Variants in CAMTA1 observed in about 807,000 individuals in gnomAD.
CAMTA1 encodes calmodulin-binding transcription activator 1.
A neutral mutation model predicts 170.9 loss-of-function variants in CAMTA1; 27 were observed. The ratio of observed to expected loss-of-function variants is 0.16; its 90% CI spans 0.12 to 0.22. CAMTA1 has a LOEUF of 0.22. Ranked by LOEUF, CAMTA1 falls within the 10% of genes least tolerant of loss-of-function variation. CAMTA1 has a pLI of 1.00. For missense variants in CAMTA1, 1,619 were observed against 2,217.2 expected (o/e 0.73, Z 5.42); for synonymous variants, 833 against 891.5 (o/e 0.93, Z 1.17).
chr1:6,962,869 G>C (rs1429247212), intron 3 of CAMTA1, among the ~76,000 whole-genome samples: 2 of 113,644 alleles, frequency 1.8e-5, no homozygotes, highest in African/African-American at 7.1e-5. Context: ...GCCTTGCCCT[G>C]TGACTGGCCC....
Position 7,251,756 on chromosome 1 carries a change from G to C in CAMTA1, c.438+2130G>C, listed in dbSNP as rs1666675557. On this transcript the variant is annotated intron_variant, in intron 5 of 22. Transcript: ENST00000303635. This position sits in a 1 kb window ranked among gnomAD's most constrained non-coding sequence, Gnocchi z 5.1. ...GACGCAGAGCAGCCTGGGCTTTTAT[G>C]ATAAGCATCCCGGGAGTGCAGAGTG... is the stretch of plus-strand genomic sequence containing the variant. 6.6e-6 allele frequency among the ~76,000 whole-genome samples: 1 copy of C among 152,184 alleles called. No homozygotes were observed. The highest frequency in any genetic ancestry group is 6.5e-5 in the Admixed American group (1 of 15,280).
intron 21 of CAMTA1, among the ~76,000 whole-genome samples, chr1:7,755,201 C>G (rs1310646407): frequency 6.6e-6 from 1 of 151,872 alleles, no homozygotes; most frequent in Non-Finnish European, 1.5e-5. Flanking sequence ...GTGGTACGCA[C>G]CTGTAATCCC....
At chr1:7,296,965 C>A (rs1674045413) in intron 5 of CAMTA1, among the ~76,000 whole-genome samples, 1 of 152,108 alleles carries the variant, frequency 6.6e-6, no homozygotes, top group African/African-American at 2.4e-5. Context: ...GACCTGGAAG[C>A]CAGGTGAAGA....
At chr1:7,302,444 T>A (rs1478917237) in intron 5 of CAMTA1, among the ~76,000 whole-genome samples, 1 of 152,208 alleles carries the variant, frequency 6.6e-6, no homozygotes, top group Non-Finnish European at 1.5e-5. Flanking sequence ...CAGGCCAGAT[T>A]GCTGTGACAT....
chr1:7,685,066 C>T lies in CAMTA1; in HGVS notation c.2914+7333C>T, dbSNP rs747348025. On this transcript the variant is annotated intron_variant, in intron 11 of 22. Transcript: ENST00000303635. This position sits in a 1 kb window ranked among gnomAD's most constrained non-coding sequence, Gnocchi z 5.7. Reference sequence around the variant, plus strand: ...CATGTTTTGAGGAGTTCGCAGGCACCGTCCCGTGGTCACAGGTGGCGTGTT... The same window carrying T: ...CATGTTTTGAGGAGTTCGCAGGCACTGTCCCGTGGTCACAGGTGGCGTGTT... Among the ~76,000 whole-genome samples the T allele has an allele frequency of 9.9e-5, 15 of 151,902 alleles. No homozygotes were observed. The highest frequency in any genetic ancestry group is 2.1e-4 in the South Asian group (1 of 4,806).
chr1:7,131,515 G>A (rs974408876), intron 4 of CAMTA1, among the ~76,000 whole-genome samples: 11 of 146,040 alleles, frequency 7.5e-5, no homozygotes, highest in African/African-American at 2.6e-4. Flanking sequence ...GTCAAGGATC[G>A]TCTTTTCTTT....
At chr1:6,865,600 A>G (rs1029683005) in intron 3 of CAMTA1, among the ~76,000 whole-genome samples, 13 of 152,344 alleles carry the variant, frequency 8.5e-5, no homozygotes, top group African/African-American at 3.1e-4. Flanking sequence ...AGCTAAGAAA[A>G]GGAATGTAAG....
chr1:7,236,413 G>A (rs1430849845), intron 4 of CAMTA1, among the ~76,000 whole-genome samples: 1 of 152,160 alleles, frequency 6.6e-6, no homozygotes, highest in Non-Finnish European at 1.5e-5. Flanking sequence ...GAAGTGTTTT[G>A]CCATGGGCGG....
chr1:7,409,355 G>A (rs931288936), intron 5 of CAMTA1, among the ~76,000 whole-genome samples: 1 of 152,216 alleles, frequency 6.6e-6, no homozygotes, highest in African/African-American at 2.4e-5. Flanking sequence ...CTCCATCAGA[G>A]CTGGCCCTTC....
chr1:7,100,004 G>A (rs1298073312), intron 4 of CAMTA1, among the ~76,000 whole-genome samples: 4 of 152,170 alleles, frequency 2.6e-5, no homozygotes, highest in South Asian at 4.1e-4. Flanking sequence ...CAGTGTAGAC[G>A]TGGGACCCCG....
intron 11 of CAMTA1, among the ~76,000 whole-genome samples, chr1:7,704,814 G>T (rs1447537809): frequency 6.8e-6 from 1 of 146,712 alleles, no homozygotes; most frequent in Non-Finnish European, 1.5e-5. Flanking sequence ...CGGGCCGGGC[G>T]GGGCCGGGCG....
Position 7,159,871 on chromosome 1 carries a change from G to T in CAMTA1, c.302+68500G>T, listed in dbSNP as rs188154399. Among the ~76,000 whole-genome samples the T allele has an allele frequency of 2.2e-3, 335 of 152,236 alleles. 9 individuals carry two copies. The South Asian group carries it at 0.049, about 22-fold the overall frequency. On this transcript the variant is annotated intron_variant, in intron 4 of 22. Transcript: ENST00000303635. Reference sequence around the variant, plus strand: ...GCCTTCTGGACAAATGTAGAGGATCGCCTTGCCCCTCCGTGCCTACTTCAT... The same window carrying T: ...GCCTTCTGGACAAATGTAGAGGATCTCCTTGCCCCTCCGTGCCTACTTCAT...
intron 5 of CAMTA1, among the ~76,000 whole-genome samples, chr1:7,275,678 A>G (rs541713885): frequency 5.9e-5 from 9 of 152,162 alleles, no homozygotes; most frequent in Non-Finnish European, 1.2e-4. Flanking sequence ...GAAATGGACA[A>G]ATTTCTTAAA....
chr1:6,906,047 A>G (rs1678386470), intron 3 of CAMTA1, among the ~76,000 whole-genome samples: 1 of 152,182 alleles, frequency 6.6e-6, no homozygotes, highest in African/African-American at 2.4e-5. Context: ...GGAGCCCAGC[A>G]CCTGCTTAGG....
Position 7,574,209 on chromosome 1 carries a change from C to G in CAMTA1, c.511-66191C>G, listed in dbSNP as rs1040432221. On this transcript the variant is annotated intron_variant, in intron 6 of 22. Transcript: ENST00000303635. ...AGGAGAAAGACACAACACCATGTGC[C>G]GAGCTCTGAGCCAAGGGCTGGGAGC... 7.3e-5 allele frequency among the ~76,000 whole-genome samples: 10 copies of G among 137,210 alleles called. 1 individual carries two copies. The highest frequency in any genetic ancestry group is 4.8e-4 in the Admixed American group (7 of 14,728). 90.0% of individuals were successfully genotyped at this position (137,210 alleles called of 152,430 possible).
chr1:7,428,967 A>G (rs911691185), intron 5 of CAMTA1, among the ~76,000 whole-genome samples: 9 of 152,326 alleles, frequency 5.9e-5, no homozygotes, highest in African/African-American at 1.9e-4. Context: ...GTTATTGCAT[A>G]CAAGCCACAG....
rs147915062 is a variant in CAMTA1, at chr1:7,649,268, C to A, written c.664+8715C>A. Among the ~76,000 whole-genome samples the A allele has an allele frequency of 2.5e-3, 387 of 152,388 alleles. 1 individual carries two copies. The highest frequency in any genetic ancestry group is 0.019 in the South Asian group (91 of 4,828). The stretch of plus-strand genomic sequence containing the variant: ...AGGAAGCACATCTGTGTCCCCACGG[C>A]AGCCCAGACAGCAGCTCGGTCCCTG... On this transcript the variant is annotated intron_variant, in intron 7 of 22. Coordinates refer to ENST00000303635, the MANE Select transcript of CAMTA1 (RefSeq NM_015215.4).
intron 6 of CAMTA1, among the ~76,000 whole-genome samples, chr1:7,620,212 T>C (rs569478988): frequency 2.6e-5 from 4 of 152,278 alleles, no homozygotes; most frequent in African/African-American, 9.6e-5. Context: ...CCCAAGGACA[T>C]TTGGCAATGT....
rs146159302 is a variant in CAMTA1 at position 7,357,426 on chromosome 1, A to G, written c.438+107800A>G. ...GAGTTGCCCCCTTGCCGGGCTCTCA[A>G]GTCCTGGCACTGCCCCACCTGGCTG... On this transcript the variant is annotated intron_variant, in intron 5 of 22. Transcript: ENST00000303635. Among the ~76,000 whole-genome samples, 628 of 152,318 alleles carry G rather than the reference A, an allele frequency of 4.1e-3. 4 individuals are homozygous for G. Among genetic ancestry groups the G allele is most frequent in the Non-Finnish European group, 6.3e-3 (426 of 68,034 alleles).
Sources: gnomAD v4.1 joint callset for allele counts (sites outside exome capture counted in the v4.1 genomes callset) on GRCh38, gnomAD v4.1.1 for gene constraint, Gnocchi (gnomAD v3.1) non-coding constraint, MANE v1.5 for transcripts, NCBI Gene and HGNC (gene_info 2026-07-23, HGNC 2026-07-21) for gene names.